Variants in RAPGEF4 observed in about 807,000 individuals in gnomAD.
RAPGEF4 encodes RAP guanine-nucleotide-exchange factor (GEF) 4.
Under a neutral mutation model 147.9 loss-of-function variants are expected in RAPGEF4, and 66 were observed. That is an observed-to-expected ratio of 0.45 (90% CI 0.37 to 0.55). RAPGEF4 has a LOEUF of 0.55. RAPGEF4 is among the 20% of genes least tolerant of loss of function. The probability of loss-of-function intolerance (pLI) is 0.00; values close to 1 mark genes in which losing one functional copy is unlikely to be tolerated. For missense variants in RAPGEF4, 1,071 were observed against 1,257.3 expected, an observed-to-expected ratio of 0.85 and a Z score of 2.24; for synonymous variants, 419 against 442.7, an observed-to-expected ratio of 0.95 and a Z score of 0.67.
intron 23 of RAPGEF4, among the ~76,000 whole-genome samples, chr2:173,025,174 G>T (rs1696543516): frequency 6.6e-6 from 1 of 152,342 alleles, no homozygotes; most frequent in Non-Finnish European, 1.5e-5. Flanking sequence ...ACCAGCAGCA[G>T]ATGCTGCCTC....
chr2:172,987,810 T>C (rs762240337), intron 12 of RAPGEF4, among the ~76,000 whole-genome samples: 1 of 152,364 alleles, frequency 6.6e-6, no homozygotes, highest in Non-Finnish European at 1.5e-5. Flanking sequence ...TATGTATCTG[T>C]AAACAATATA....
chr2:172,778,253 G>A (rs1037316587), intron 1 of RAPGEF4, among the ~76,000 whole-genome samples: 3 of 152,194 alleles, frequency 2.0e-5, no homozygotes, highest in South Asian at 4.1e-4. Context: ...TCTGTCTTGG[G>A]TTCTTTCCCG....
chr2:172,837,840 A>C (rs1408005569), intron 4 of RAPGEF4, among the ~76,000 whole-genome samples: 1 of 152,236 alleles, frequency 6.6e-6, no homozygotes, highest in African/African-American at 2.4e-5. Context: ...CTGAGATCAC[A>C]GGTGTGAGCC....
chr2:172,990,736 C>T, intron 14 of RAPGEF4, 74 bp from the exon 15 acceptor site: 1 of 1,028,784 alleles, frequency 9.7e-7, no homozygotes, highest in South Asian at 1.4e-5. Context: ...AAATGAGTTT[C>T]TGAAGCATTT....
chr2:172,831,285 T>TTTTTTTTTTTTTTTTTTTTTTTTTA (rs1690303455), intron 4 of RAPGEF4, among the ~76,000 whole-genome samples: 1 of 142,218 alleles, frequency 7.0e-6, no homozygotes, highest in Non-Finnish European at 1.5e-5. Context: ...TTTTTTTTTT[T>TTTTTTTTTTTTTTTTTTTTTTTTTA]GAGACAGAGT....
At chr2:172,898,122 C>G (rs180730796) in intron 4 of RAPGEF4, among the ~76,000 whole-genome samples, 1 of 152,042 alleles carries the variant, frequency 6.6e-6, no homozygotes, top group Non-Finnish European at 1.5e-5. Flanking sequence ...GGATGTGGGA[C>G]CAGGTGGATT....
intron 19 of RAPGEF4, 85 bp downstream of exon 19, chr2:173,016,522 T>C: frequency 8.8e-7 from 1 of 1,137,090 alleles, no homozygotes; most frequent in Non-Finnish European, 1.3e-6. Flanking sequence ...TTAAAGCTGG[T>C]CTTTCCATAG....
At chr2:172,845,330 C>T (rs761946882) in intron 4 of RAPGEF4, among the ~76,000 whole-genome samples, 60 of 152,276 alleles carry the variant, frequency 3.9e-4, no homozygotes, top group Middle Eastern at 3.4e-3. Context: ...CAGGAAGCAA[C>T]GCCTAATGAG....
At chr2:172,915,566 G>A (rs1174891355) in intron 4 of RAPGEF4, among the ~76,000 whole-genome samples, 1 of 151,846 alleles carries the variant, frequency 6.6e-6, no homozygotes, top group East Asian at 1.9e-4. Context: ...AGGCATGGTG[G>A]TGTGTGTCTG....
intron 3 of RAPGEF4, among the ~76,000 whole-genome samples, chr2:172,802,353 A>C (rs1687066499): frequency 6.6e-6 from 1 of 152,218 alleles, no homozygotes; most frequent in Non-Finnish European, 1.5e-5. Flanking sequence ...CAATCATGGC[A>C]GAAGGCAAGG....
chr2:172,782,996 G>T (rs956549058), intron 1 of RAPGEF4, among the ~76,000 whole-genome samples: 1 of 152,166 alleles, frequency 6.6e-6, no homozygotes, highest in Non-Finnish European at 1.5e-5. Context: ...ATTGGACAAG[G>T]CTGTACTTCG....
chr2:172,832,359 A>G (rs1391856172), intron 4 of RAPGEF4, among the ~76,000 whole-genome samples: 3 of 152,216 alleles, frequency 2.0e-5, no homozygotes, highest in Non-Finnish European at 4.4e-5. Context: ...AACAGTACAG[A>G]CAAGGCTAAC....
At chr2:173,049,928 G>C (rs1311372054) in intron 30 of RAPGEF4, among the ~76,000 whole-genome samples, 1 of 152,200 alleles carries the variant, frequency 6.6e-6, no homozygotes, top group Non-Finnish European at 1.5e-5. Context: ...CCCAAATCCA[G>C]CAGCGGGGAT....
intron 17 of RAPGEF4, among the ~76,000 whole-genome samples, chr2:173,005,359 G>C (rs1694325179): frequency 6.6e-6 from 1 of 152,056 alleles, no homozygotes; most frequent in African/African-American, 2.4e-5. Flanking sequence ...CTTCAGTTTA[G>C]TAAGTGATCA....
intron 1 of RAPGEF4, among the ~76,000 whole-genome samples, chr2:172,758,705 T>G (rs1250372555): frequency 6.6e-6 from 1 of 152,206 alleles, no homozygotes; most frequent in South Asian, 2.1e-4. Flanking sequence ...TTTGGAGGAC[T>G]GTGGGTCATC....
chr2:172,984,375 G>T (rs192848211), intron 11 of RAPGEF4, among the ~76,000 whole-genome samples: 142 of 152,288 alleles, frequency 9.3e-4, no homozygotes, highest in African/African-American at 3.2e-3. Flanking sequence ...GTACCTGCCA[G>T]TCCCTGCTGT....
At chr2:172,807,545 C>T (rs1687627109) in intron 3 of RAPGEF4, among the ~76,000 whole-genome samples, 1 of 152,152 alleles carries the variant, frequency 6.6e-6, no homozygotes, top group Non-Finnish European at 1.5e-5. Context: ...AGATTGGGTT[C>T]CATTTAATTT....
chr2:172,801,412 C>A (rs1686963828), intron 3 of RAPGEF4, among the ~76,000 whole-genome samples: 1 of 152,122 alleles, frequency 6.6e-6, no homozygotes, highest in Admixed American at 6.5e-5. Context: ...ATCTGAGAGC[C>A]AGAGGGATGT....
chr2:172,956,818 G>T (rs190657474), intron 6 of RAPGEF4, among the ~76,000 whole-genome samples: 1 of 152,332 alleles, frequency 6.6e-6, no homozygotes, highest in Admixed American at 6.5e-5. Context: ...ATGATGCAGG[G>T]TGCTCATATG....
Sources: gnomAD v4.1 joint callset for allele counts (sites outside exome capture counted in the v4.1 genomes callset) on GRCh38, gnomAD v4.1.1 for gene constraint, MANE v1.5 for transcripts, NCBI Gene and HGNC (gene_info 2026-07-23, HGNC 2026-07-21) for gene names.